Variants in CACNG7 observed in about 807,000 individuals in gnomAD.
CACNG7 encodes calcium voltage-gated channel auxiliary subunit gamma 7.
A neutral mutation model predicts 26.3 loss-of-function variants in CACNG7; 9 were observed. That is an observed-to-expected ratio of 0.34 (90% CI 0.21 to 0.60). CACNG7 has a LOEUF of 0.60. Among genes scored for constraint, CACNG7 ranks in the 20% least tolerant of loss-of-function variants. The pLI, the probability that CACNG7 is intolerant of heterozygous loss-of-function variation, is 0.81. For synonymous variants in CACNG7, 170 were observed against 157.0 expected, an observed-to-expected ratio of 1.08 and a Z score of -0.62; for missense variants, 297 against 380.4, an observed-to-expected ratio of 0.78 and a Z score of 1.82.
rs765449244 is a variant in CACNG7 at position 53,932,252 on chromosome 19, TA to T, written c.425-9198del. Among the ~76,000 whole-genome samples the T allele has an allele frequency of 7.1e-3, 380 of 53,248 alleles. 3 individuals are homozygous for T. Among genetic ancestry groups the T allele is most frequent in the East Asian group, 0.05 (97 of 1,926 alleles). The allele number at this position is 53,248 out of a possible 152,430, so 34.9% of individuals were successfully genotyped here. A position where few individuals can be genotyped will look rare whatever the true frequency, so the allele number is the denominator to read the frequency against. ...CTGGGCAACAGAGTAAGGCCCTGTC[TA>T]AAAAAAAAAAAAAAAAAAAGAATTA... On this transcript the variant is annotated intron_variant, in intron 4 of 5. Transcript: ENST00000391767.
At position 53,920,962 on chromosome 19, in the gene CACNG7, CTTGCCCCAGGCTGGTCATTGGTGGAG is replaced by C. The variant is rs1568773823; in HGVS notation, c.424+5521_424+5546del. 3.4e-4 allele frequency among the ~76,000 whole-genome samples: 25 copies of C among 73,438 alleles called. 1 individual carries two copies. Among genetic ancestry groups the C allele is most frequent in the East Asian group, 7.8e-4 (2 of 2,566 alleles). The allele number at this position is 73,438 out of a possible 152,430, so 48.2% of individuals were successfully genotyped here. Reference sequence around the variant, plus strand: ...TTGCCCCAGGCTGGTCATTGGTGGACTTGCCCCAGGCTGGTCATTGGTGGAGTTGCCCCAGGCTGGTCATTGGTGGA... The same window carrying C: ...TTGCCCCAGGCTGGTCATTGGTGGACTTGCCCCAGGCTGGTCATTGGTGGA... On this transcript the variant is annotated intron_variant, in intron 4 of 5. Transcript: ENST00000391767.
At chr19:53,925,563 T>TCTGGTCATTGGTGGACTTGCCCCAGC (rs2069023156) in intron 4 of CACNG7, among the ~76,000 whole-genome samples, 1 of 123,130 alleles carries the variant, frequency 8.1e-6, no homozygotes, top group Non-Finnish European at 1.7e-5. Flanking sequence ...TTGCCCCAGG[T>TCTGGTCATTGGTGGACTTGCCCCAGC]CTGGTCATTG....
intron 4 of CACNG7, among the ~76,000 whole-genome samples, chr19:53,936,662 G>A (rs1399518385): frequency 1.3e-5 from 2 of 152,152 alleles, no homozygotes; most frequent in African/African-American, 2.4e-5. Context: ...AGGCTGGATT[G>A]CAGTGGTGGG....
intron 4 of CACNG7, among the ~76,000 whole-genome samples, chr19:53,918,959 G>A (rs1483113455): frequency 2.6e-5 from 4 of 152,074 alleles, no homozygotes; most frequent in African/African-American, 7.2e-5. Flanking sequence ...TAGTAGAGAC[G>A]GGGTTTCACT....
At chr19:53,925,998 A>C (rs1472686724) in intron 4 of CACNG7, among the ~76,000 whole-genome samples, 4 of 152,164 alleles carry the variant, frequency 2.6e-5, no homozygotes, top group Non-Finnish European at 5.9e-5. Context: ...TTAGCCCCTG[A>C]TCATTAAACA....
At chr19:53,931,668 C>T (rs1295407198) in intron 4 of CACNG7, among the ~76,000 whole-genome samples, 1 of 102,398 alleles carries the variant, frequency 9.8e-6, no homozygotes, top group African/African-American at 3.8e-5. Context: ...GCCTAGGTGA[C>T]AGAGTAAGAC....
At position 53,913,010 on chromosome 19, in the gene CACNG7, G is replaced by A. The variant is rs2145896387; in HGVS notation, c.179G>A (p.Arg60Gln). ...ATGGCCCTGCACGCCGGCCTCTGGC[G>A]AGTCTGCTTCTTTGCAGGTACAGCC... The part of the protein sequence containing the change: ...VKMALHAGLW[R>Q]VCFFAGREKG... The change falls in exon 2 of 6, where the codon CGA becomes CAA. Residue 60 changes from arginine (R) to glutamine (Q), a missense_variant. By Grantham distance (43) the Arg-to-Gln change is conservative (BLOSUM62 1). Coordinates refer to ENST00000391767, the MANE Select transcript of CACNG7 (RefSeq NM_031896.5). The A allele has an allele frequency of 6.2e-7, 1 of 1,611,662 alleles. No homozygotes were observed. Among genetic ancestry groups the A allele is most frequent in the Non-Finnish European group, 8.5e-7 (1 of 1,178,170 alleles).
At chr19:53,924,835 A>T (rs1170751923) in intron 4 of CACNG7, among the ~76,000 whole-genome samples, 3 of 116,764 alleles carry the variant, frequency 2.6e-5, no homozygotes, top group Non-Finnish European at 5.0e-5. Flanking sequence ...TCATTGGTGG[A>T]GTTGCCCCAG....
chr19:53,923,824 GTCTGGTCATTGGTGGAGTTGCCCCAGGC>G (rs2068992114), intron 4 of CACNG7, among the ~76,000 whole-genome samples: 11 of 104,722 alleles, frequency 1.1e-4, no homozygotes, highest in African/African-American at 3.6e-4. Context: ...GTTGCCCCAG[GTCTGGTCATTGGTGGAGTTGCCCCAGGC>G]CTGGTCATTG....
At chr19:53,937,627 G>T (rs1218432549) in intron 4 of CACNG7, among the ~76,000 whole-genome samples, 3 of 113,450 alleles carry the variant, frequency 2.6e-5, no homozygotes, top group Non-Finnish European at 4.9e-5. Flanking sequence ...TTTTGCTCTT[G>T]TTGCCCAGGC....
intron 4 of CACNG7, among the ~76,000 whole-genome samples, chr19:53,934,360 C>G (rs977063752): frequency 6.6e-6 from 1 of 152,202 alleles, no homozygotes. Context: ...CTTTGTATCA[C>G]GTTACTCCAG....
At chr19:53,914,873 G>T (rs995567915) in intron 3 of CACNG7, among the ~76,000 whole-genome samples, 10 of 151,560 alleles carry the variant, frequency 6.6e-5, no homozygotes, top group Admixed American at 3.3e-4. Context: ...GTGGTGGCGC[G>T]TGCCTGTAGT....
intron 1 of CACNG7, among the ~76,000 whole-genome samples, chr19:53,911,148 C>A (rs1198978615): frequency 6.6e-6 from 1 of 151,852 alleles, no homozygotes; most frequent in Non-Finnish European, 1.5e-5. Flanking sequence ...CTCACTGCAA[C>A]CTTGCCTCTC....
intron 4 of CACNG7, among the ~76,000 whole-genome samples, chr19:53,919,941 G>T (rs1164063520): frequency 7.8e-6 from 1 of 128,488 alleles, no homozygotes; most frequent in African/African-American, 3.3e-5. Flanking sequence ...GCCTGGTATT[G>T]GTGGAGTTGC....
rs1354686239 is a variant in CACNG7 at position 53,943,837 on chromosome 19, TAATC to T, written c.*1546_*1549del. 1.3e-5 allele frequency: 2 copies of T among 152,086 alleles called. No individual in the cohort carries two copies. Among genetic ancestry groups the T allele is most frequent in the Non-Finnish European group, 2.9e-5 (2 of 68,012 alleles). 9.4% of individuals were successfully genotyped at this position (152,086 alleles called of 1,614,324 possible). On this transcript the variant is annotated 3_prime_UTR_variant, in exon 6 of 6. Coordinates refer to ENST00000391767, the MANE Select transcript of CACNG7 (RefSeq NM_031896.5). ...TTAGATGGGTCGTTGTTAAATGACT[TAATC>T]ATCATCATTATCAACGGCAGCGCTT...
chr19:53,914,328 C>T (rs1391008015), intron 2 of CACNG7, among the ~76,000 whole-genome samples, 172 bp from the exon 3 acceptor site: 1 of 151,318 alleles, frequency 6.6e-6, no homozygotes, highest in Non-Finnish European at 1.5e-5. Context: ...CCCAGACAGA[C>T]ATCCACCCAC....
In CACNG7 at chr19:53,941,720, G is replaced by C. The variant is rs1042286969; in HGVS notation, c.570+105G>C. On this transcript the variant is annotated intron_variant, in intron 5 of 5. Transcript: ENST00000391767. ...GGAGAGGCTGGAGATGCAGACTCTGGCGTCAGAGGGAGGTGGTAGCTGAGG... is the reference window on the plus strand; with the variant it reads ...GGAGAGGCTGGAGATGCAGACTCTGCCGTCAGAGGGAGGTGGTAGCTGAGG... The C allele has an allele frequency of 2.2e-6, 3 of 1,366,224 alleles. No homozygotes were observed. In the African/African-American group the frequency reaches 4.5e-5, roughly 20 times the overall value. 84.6% of individuals were successfully genotyped at this position (1,366,224 alleles called of 1,614,324 possible).
intron 4 of CACNG7, among the ~76,000 whole-genome samples, chr19:53,923,140 G>C (rs868562021): frequency 4.3e-5 from 5 of 117,278 alleles, no homozygotes; most frequent in African/African-American, 7.6e-5. Context: ...GTCATTGGTG[G>C]AGTTGCCCCA....
chr19:53,942,654 C>T lies in CACNG7; in HGVS notation c.*361C>T, dbSNP rs1319924405. The stretch of plus-strand genomic sequence containing the variant: ...AGAGGCGGTGCAAGCGCCCAGCTCC[C>T]CAGAGCTCCCCAACCTCGGACCTCA... On this transcript the variant is annotated 3_prime_UTR_variant, in exon 6 of 6. Transcript: ENST00000391767. The surrounding 1 kb of genome is among the most constrained non-coding windows in gnomAD (Gnocchi z 5.9). 3 of 969,048 alleles carry T rather than the reference C, an allele frequency of 3.1e-6. No homozygotes were observed. The highest frequency in any genetic ancestry group is 3.9e-6 in the Non-Finnish European group (3 of 775,386). The allele number at this position is 969,048 out of a possible 1,614,324, so 60.0% of individuals were successfully genotyped here.
Sources: allele counts gnomAD v4.1 joint callset (sites outside exome capture counted in the v4.1 genomes callset), GRCh38; gene constraint gnomAD v4.1.1; non-coding constraint Gnocchi (gnomAD v3.1); transcripts MANE v1.5; gene names NCBI Gene and HGNC (gene_info 2026-07-23, HGNC 2026-07-21).